The following ADGRF4 variants were observed in gnomAD, a reference collection of about 807,000 sequenced individuals.
ADGRF4 encodes the protein G-protein coupled receptor PGR18.
A neutral mutation model predicts 58.5 loss-of-function variants in ADGRF4; 63 were observed. The observed-to-expected ratio is 1.08, with a 90% CI of 0.88 to 1.33. The LOEUF is 1.33. ADGRF4 is among the 40% of genes most tolerant of loss of function. The pLI is 0.00. For synonymous variants in ADGRF4, 313 were observed against 295.4 expected, an observed-to-expected ratio of 1.06 and a Z score of -0.61; for missense variants, 931 against 843.9, an observed-to-expected ratio of 1.10 and a Z score of -1.28.
chr6:47,715,384 C>T (rs1021908599), intron 6 of ADGRF4: 10 of 510,362 alleles, frequency 2.0e-5, no homozygotes, highest in Non-Finnish European at 3.1e-5. Flanking sequence ...TCCTTCTTTC[C>T]TCACTGATGC....
chr6:47,712,440 T>G lies in ADGRF4; in HGVS notation c.384T>G (p.Ile128Met). The change falls in exon 5 of 10, where the codon ATT (isoleucine) becomes ATG (methionine). Residue 128 changes from isoleucine to methionine, a missense_variant. Coordinates refer to ENST00000283303, the MANE Select transcript of ADGRF4 (RefSeq NM_153838.5). ...TAGACTTTCGAGCTCCAGAGACCAT[T>G]GAGAGTGTAGCTCAAGGAATCCGTA... ...HILDFRAPET[I>M]ESVAQGIRKN... The G allele has an allele frequency of 6.2e-7, 1 of 1,614,042 alleles. No individual in the cohort carries two copies. The highest frequency in any genetic ancestry group is 2.2e-5 in the East Asian group (1 of 44,874).
chr6:47,710,386 A>G (rs980259910), intron 3 of ADGRF4, among the ~76,000 whole-genome samples: 1 of 152,186 alleles, frequency 6.6e-6, no homozygotes, highest in African/African-American at 2.4e-5. Flanking sequence ...AACAAGTTCA[A>G]TCATGTCTTC....
In ADGRF4 at chr6:47,718,409, C is replaced by A. The variant is rs1159435496; in HGVS notation, c.2055C>A (p.Thr685=). ...CTTAGAATGCATCACTAGGCCCAAC[C>A]AATGGATCTAAATTAATGAATCGTC... ...RAAENASLGP[T]NGSKLMNRQG The change falls in exon 9 of 10, where the codon ACC becomes ACA. Residue 685 remains threonine (T), a synonymous_variant. Transcript: ENST00000283303. 1 of 1,576,262 alleles carries A rather than the reference C, an allele frequency of 6.3e-7. No individual in the cohort carries two copies. The highest frequency in any genetic ancestry group is 8.7e-7 in the Non-Finnish European group (1 of 1,145,662).
Position 47,704,081 on chromosome 6 carries a change from C to T in ADGRF4, c.-16-3149C>T, listed in dbSNP as rs538837890. ...TTTTTTTTTTTGAGACGGAGTTTTG[C>T]TCTTGTCACCCAGGCTACAGTGCAA... On this transcript the variant is annotated intron_variant, in intron 1 of 9. Coordinates refer to ENST00000283303, the MANE Select transcript of ADGRF4 (RefSeq NM_153838.5). Among the ~76,000 whole-genome samples, 117 of 150,284 alleles carry T rather than the reference C, an allele frequency of 7.8e-4. No homozygotes were observed. The South Asian group carries it at 8.7e-3, about 11-fold the overall frequency.
rs547273598 is a variant in ADGRF4 at position 47,714,942 on chromosome 6, C to T, written c.1697C>T (p.Ala566Val). 8.7e-6 allele frequency: 14 copies of T among 1,613,634 alleles called. No individual in the cohort carries two copies. In the African/African-American group the frequency reaches 1.3e-4, roughly 15 times the overall value. ...GCCCTTTTAGCATTTGCCATCCCGG[C>T]GTTCGTCATTGTGGCTGTAAATCTG... The part of the protein sequence containing the change: ...TKALLAFAIP[A>V]FVIVAVNLIV... The change falls in exon 6 of 10, where the codon GCG (alanine) becomes GTG (valine). Residue 566 changes from alanine (A) to valine (V), a missense_variant. By Grantham distance (64) the Ala-to-Val change is moderately conservative. Coordinates refer to ENST00000283303, the MANE Select transcript of ADGRF4 (RefSeq NM_153838.5).
chr6:47,707,108 C>T, intron 1 of ADGRF4, 122 bp from the exon 2 acceptor site: 1 of 645,974 alleles, frequency 1.5e-6, no homozygotes, highest in South Asian at 1.9e-5. Context: ...GGGCAGGCTG[C>T]TTTGGCATGA....
chr6:47,712,575 C>G lies in ADGRF4; in HGVS notation c.519C>G (p.Asp173Glu), dbSNP rs764111978. The change falls in exon 5 of 10, where the codon GAC becomes GAG. Residue 173 changes from aspartate to glutamate, a missense_variant. Transcript: ENST00000283303. Reference protein sequence around the residue: ...IVELLKNISTDLSDNVTREKM... With the variant: ...IVELLKNISTELSDNVTREKM... ...AGTTATTAAAAAATATTTCTACAGA[C>G]TTGTCTGATAATGTTACTCGAGAGA... 3 of 1,585,152 alleles carry G rather than the reference C, an allele frequency of 1.9e-6. No individual in the cohort carries two copies.
chr6:47,700,966 C>T lies in ADGRF4; in HGVS notation c.-17+2172C>T, dbSNP rs138877595. On this transcript the variant is annotated intron_variant, in intron 1 of 9. Transcript: ENST00000283303. ...TTTTTGCCTATTTCACTAGGTGTGGCCTAATTTCTCTCAGGCTCTGGGGGG... is the reference window on the plus strand; with the variant it reads ...TTTTTGCCTATTTCACTAGGTGTGGTCTAATTTCTCTCAGGCTCTGGGGGG... 1.1e-3 allele frequency among the ~76,000 whole-genome samples: 162 copies of T among 151,200 alleles called. 1 individual carries two copies. Among genetic ancestry groups the T allele is most frequent in the Middle Eastern group, 3.4e-3 (1 of 292 alleles).
chr6:47,711,314 G>GT (rs1444481339), intron 4 of ADGRF4, among the ~76,000 whole-genome samples: 3 of 152,140 alleles, frequency 2.0e-5, no homozygotes, highest in Admixed American at 2.0e-4. Flanking sequence ...CCAGGCTGGA[G>GT]TGCAGTGGCG....
intron 9 of ADGRF4, 45 bp downstream of exon 9, chr6:47,718,490 T>C (rs1353095133): frequency 2.6e-6 from 3 of 1,137,050 alleles, no homozygotes; most frequent in Non-Finnish European, 4.0e-6. Context: ...GCAATTTGTG[T>C]CAATCCACCA....
chr6:47,711,513 G>A (rs374351386), intron 4 of ADGRF4, among the ~76,000 whole-genome samples: 2 of 152,098 alleles, frequency 1.3e-5, no homozygotes, highest in African/African-American at 2.4e-5. Context: ...TGCCCACCTC[G>A]GCCTCCCAAA....
intron 6 of ADGRF4, among the ~76,000 whole-genome samples, chr6:47,716,064 C>A (rs1772010515): frequency 6.6e-6 from 1 of 151,338 alleles, no homozygotes; most frequent in South Asian, 2.1e-4. Flanking sequence ...GAGTAATGAT[C>A]TCATCCTTTC....
chr6:47,709,961 G>A (rs1771821592), intron 3 of ADGRF4, among the ~76,000 whole-genome samples: 1 of 151,954 alleles, frequency 6.6e-6, no homozygotes, highest in Non-Finnish European at 1.5e-5. Flanking sequence ...AGGCTGGAAT[G>A]TGTCTTATGG....
intron 4 of ADGRF4, 137 bp downstream of exon 4, chr6:47,711,023 G>T: frequency 2.5e-5 from 19 of 764,034 alleles, no homozygotes; most frequent in South Asian, 1.6e-4. Flanking sequence ...GGTTAAATTT[G>T]TTTCTTGACC....
At chr6:47,705,712 T>A (rs1272666796) in intron 1 of ADGRF4, among the ~76,000 whole-genome samples, 2 of 152,226 alleles carry the variant, frequency 1.3e-5, no homozygotes, top group African/African-American at 4.8e-5. Context: ...TGATGTCAGA[T>A]CAGTGAGCTC....
intron 5 of ADGRF4, among the ~76,000 whole-genome samples, chr6:47,713,305 G>T (rs1410479013): frequency 6.6e-6 from 1 of 152,168 alleles, no homozygotes; most frequent in African/African-American, 2.4e-5. Context: ...TTAAAAGGGA[G>T]ATCTGTAGCC....
chr6:47,705,031 C>A (rs1771674768), intron 1 of ADGRF4, among the ~76,000 whole-genome samples: 1 of 152,152 alleles, frequency 6.6e-6, no homozygotes, highest in Non-Finnish European at 1.5e-5. Context: ...AGGGTTTCAG[C>A]GATTCTCCTG....
At position 47,714,959 on chromosome 6, in the gene ADGRF4, G is replaced by A. The variant is rs1215121761; in HGVS notation, c.1714G>A (p.Val572Ile). The A allele has an allele frequency of 6.8e-6, 11 of 1,613,664 alleles. No individual in the cohort carries two copies. Among genetic ancestry groups the A allele is most frequent in the Admixed American group, 3.3e-5 (2 of 60,004 alleles). ...FAIPAFVIVA[V>I]NLIVVLVVAV... ...CATCCCGGCGTTCGTCATTGTGGCT[G>A]TAAATCTGATTGTGGTTTTGGTTGT... Residue 572 changes from valine (V) to isoleucine (I), a missense_variant, in exon 6 of 10, where the codon GTA becomes ATA. Physicochemically the swap from Val to Ile is conservative, Grantham distance 29. Transcript: ENST00000283303.
Position 47,717,363 on chromosome 6 carries a change from C to T in ADGRF4, c.2034+12C>T, listed in dbSNP as rs1295350871. On this transcript the variant is annotated intron_variant, in intron 8 of 9. Transcript: ENST00000283303. ...CGAGGGCAGCTGAGGTAAGCCTTCC[C>T]CTTTTAGTCTCAGCCCTGGAGAGTC... 2 of 1,591,670 alleles carry T rather than the reference C, an allele frequency of 1.3e-6. No homozygotes were observed. Among genetic ancestry groups the T allele is most frequent in the Admixed American group, 3.3e-5 (2 of 59,984 alleles).
Sources: gnomAD v4.1 joint callset for allele counts (sites outside exome capture counted in the v4.1 genomes callset) on GRCh38, gnomAD v4.1.1 for gene constraint, MANE v1.5 for transcripts, NCBI Gene and HGNC (gene_info 2026-07-23, HGNC 2026-07-21) for gene names.